KIAA0040: variants seen among roughly 807,000 people sequenced by gnomAD.
KIAA0040 encodes uncharacterized protein KIAA0040.
In KIAA0040, 10 loss-of-function variants were observed where a neutral mutation model predicts 7.2. The ratio of observed to expected loss-of-function variants is 1.38; its 90% CI spans 0.85 to 2.34. The LOEUF is 2.34. KIAA0040 is among the 30% of genes most tolerant of loss of function. The pLI is 0.00. For missense variants in KIAA0040, 89 were observed against 108.2 expected, an observed-to-expected ratio of 0.82 and a Z score of 0.79; for synonymous variants, 49 against 40.1, an observed-to-expected ratio of 1.22 and a Z score of -0.84.
chr1:175,179,767 G>T (rs1677364285), intron 1 of KIAA0040, among the ~76,000 whole-genome samples: 1 of 152,162 alleles, frequency 6.6e-6, no homozygotes, highest in African/African-American at 2.4e-5. Context: ...AGAGGGGAGG[G>T]ATTTCTTGCC....
At chr1:175,165,546 C>T (rs1401430156) in intron 3 of KIAA0040, among the ~76,000 whole-genome samples, 1 of 152,214 alleles carries the variant, frequency 6.6e-6, no homozygotes, top group Non-Finnish European at 1.5e-5. Flanking sequence ...CAGAAATAAT[C>T]TCCCTAATAT....
rs1034862818 is a variant in KIAA0040 at position 175,158,944 on chromosome 1, G to A, written c.*1770C>T. On this transcript the variant is annotated 3_prime_UTR_variant, in exon 4 of 4. Transcript: ENST00000423313. Reference sequence around the variant, plus strand: ...GGCAGGTGAGTACCAAGCAGCCCAAGTGAGCAAATAGAATATATCTTTCCT... The same window carrying A: ...GGCAGGTGAGTACCAAGCAGCCCAAATGAGCAAATAGAATATATCTTTCCT... The A allele has an allele frequency of 6.6e-6, 1 of 152,212 alleles. No homozygotes were observed. The highest frequency in any genetic ancestry group is 2.4e-5 in the African/African-American group (1 of 41,438). The allele number at this position is 152,212 out of a possible 1,614,324, so 9.4% of individuals were successfully genotyped here. A position where few individuals can be genotyped will look rare whatever the true frequency, so the allele number is the denominator to read the frequency against.
chr1:175,192,177 C>G (rs1372228220), intron 1 of KIAA0040, among the ~76,000 whole-genome samples: 1 of 152,132 alleles, frequency 6.6e-6, no homozygotes, highest in Non-Finnish European at 1.5e-5. Context: ...AACAGGTTTC[C>G]TCTCCGCCCC....
intron 1 of KIAA0040, among the ~76,000 whole-genome samples, chr1:175,181,617 T>C (rs758296441): frequency 6.6e-6 from 1 of 152,138 alleles, no homozygotes; most frequent in Non-Finnish European, 1.5e-5. Context: ...TTTTTTGTTG[T>C]TGGGGAACTG....
At chr1:175,183,689 G>A (rs1207019153) in intron 1 of KIAA0040, among the ~76,000 whole-genome samples, 1 of 152,218 alleles carries the variant, frequency 6.6e-6, no homozygotes, top group Non-Finnish European at 1.5e-5. Flanking sequence ...TTCCAGAATG[G>A]CACAGCCACA....
chr1:175,192,014 C>T (rs879330266), intron 1 of KIAA0040, among the ~76,000 whole-genome samples: 3 of 152,196 alleles, frequency 2.0e-5, no homozygotes, highest in Non-Finnish European at 2.9e-5. Flanking sequence ...TCCCGTAAAG[C>T]TCTTCAGAAT....
At chr1:175,179,224 G>C (rs969575332) in intron 1 of KIAA0040, among the ~76,000 whole-genome samples, 1 of 152,192 alleles carries the variant, frequency 6.6e-6, no homozygotes, top group Non-Finnish European at 1.5e-5. Flanking sequence ...AGGGGGCTTT[G>C]AAAGCCTAAC....
intron 3 of KIAA0040, among the ~76,000 whole-genome samples, chr1:175,161,558 G>A (rs1014855835): frequency 6.6e-6 from 1 of 152,134 alleles, no homozygotes; most frequent in East Asian, 1.9e-4. Flanking sequence ...CACAGGACAG[G>A]TCTGTATGTA....
chr1:175,177,270 G>A (rs1677241328), intron 2 of KIAA0040, among the ~76,000 whole-genome samples: 1 of 152,190 alleles, frequency 6.6e-6, no homozygotes, highest in South Asian at 2.1e-4. Context: ...TCAGGGTCTT[G>A]AAGAAATAAC....
chr1:175,164,763 C>T (rs1224092691), intron 3 of KIAA0040, among the ~76,000 whole-genome samples: 2 of 152,186 alleles, frequency 1.3e-5, no homozygotes, highest in East Asian at 3.9e-4. Context: ...CCCCAGGTTA[C>T]TTGCTGAGCT....
chr1:175,172,392 G>C (rs905527509), intron 2 of KIAA0040, among the ~76,000 whole-genome samples: 2 of 152,152 alleles, frequency 1.3e-5, no homozygotes, highest in Non-Finnish European at 2.9e-5. Flanking sequence ...GGGCAACATA[G>C]CAAGATCCTA....
At chr1:175,172,384 G>A (rs1677025630) in intron 2 of KIAA0040, among the ~76,000 whole-genome samples, 1 of 152,086 alleles carries the variant, frequency 6.6e-6, no homozygotes, top group Non-Finnish European at 1.5e-5. Context: ...GCCAGCCTGG[G>A]CAACATAGCA....
Position 175,185,848 on chromosome 1 carries a change from T to C in KIAA0040, c.-384+6792A>G, listed in dbSNP as rs989023304. On this transcript the variant is annotated intron_variant, in intron 1 of 3. Transcript: ENST00000423313. The stretch of plus-strand genomic sequence containing the variant: ...GGTATATGCACACAATGGAATATGA[T>C]TCAGCCATAAAAAGGAATGAAGTAC... 7.2e-5 allele frequency among the ~76,000 whole-genome samples: 11 copies of C among 152,196 alleles called. No homozygotes were observed. In the South Asian group the frequency reaches 2.3e-3, roughly 31 times the overall value.
Position 175,160,788 on chromosome 1 carries a change from C to CCTTCTTCTTCTTCTT in KIAA0040, c.211_225dup (p.Lys71_Lys75dup), listed in dbSNP as rs150137790. On this transcript the variant is annotated inframe_insertion, in exon 4 of 4. Coordinates refer to ENST00000423313, the MANE Select transcript of KIAA0040 (RefSeq NM_014656.3). ...GCAGAGATCCAGAGGTCTTCTTCATCCTTCTTCTTCTTCTTCTTCTTCTTC... is the reference window on the plus strand; with the variant it reads ...GCAGAGATCCAGAGGTCTTCTTCATCCTTCTTCTTCTTCTTCTTCTTCTTCTTCTTCTTCTTCTTC... The CCTTCTTCTTCTTCTT allele has an allele frequency of 1.3e-5, 19 of 1,429,852 alleles. No individual in the cohort carries two copies. The African/African-American group carries it at 3.3e-4, about 25-fold the overall frequency. 88.6% of individuals were successfully genotyped at this position (1,429,852 alleles called of 1,614,324 possible). A position where few individuals can be genotyped will look rare whatever the true frequency, so the allele number is the denominator to read the frequency against.
intron 3 of KIAA0040, 132 bp from the exon 4 acceptor site, chr1:175,161,278 G>A (rs1225556274): frequency 2.7e-6 from 1 of 364,382 alleles, no homozygotes; most frequent in African/African-American, 2.1e-5. Context: ...AACTTGTATT[G>A]ACTCAATAAA....
At chr1:175,184,137 T>C (rs1677558077) in intron 1 of KIAA0040, among the ~76,000 whole-genome samples, 1 of 152,184 alleles carries the variant, frequency 6.6e-6, no homozygotes, top group African/African-American at 2.4e-5. Context: ...AATTACCAAC[T>C]GGAGAGAGTC....
At chr1:175,167,842 C>G (rs1333303740) in intron 2 of KIAA0040, among the ~76,000 whole-genome samples, 2 of 151,846 alleles carry the variant, frequency 1.3e-5, no homozygotes, top group Non-Finnish European at 2.9e-5. Context: ...CTTCTTCTAA[C>G]CCTAGTCTCC....
At chr1:175,176,933 G>A (rs3766690) in intron 2 of KIAA0040, among the ~76,000 whole-genome samples, 34,670 of 152,042 alleles carry the variant, frequency 0.23, 4,963 homozygotes, top group Admixed American at 0.4. Flanking sequence ...AACTGCTTAA[G>A]CTGGGGATTG....
At chr1:175,182,987 C>T (rs1452011350) in intron 1 of KIAA0040, among the ~76,000 whole-genome samples, 1 of 152,166 alleles carries the variant, frequency 6.6e-6, no homozygotes, top group Admixed American at 6.5e-5. Flanking sequence ...GGAAAGACGC[C>T]ACTGTTCCAT....
Sources: gnomAD v4.1 joint callset for allele counts (sites outside exome capture counted in the v4.1 genomes callset) on GRCh38, gnomAD v4.1.1 for gene constraint, MANE v1.5 for transcripts, NCBI Gene and HGNC (gene_info 2026-07-23, HGNC 2026-07-21) for gene names.